The following MYO16 variants were observed in gnomAD, a reference collection of about 807,000 sequenced individuals.
MYO16 encodes the protein unconventional myosin-XVI.
MYO16 carries 94 observed loss-of-function variants against 205.3 expected under a neutral mutation model. The observed-to-expected ratio is 0.46, with a 90% confidence interval of 0.39 to 0.54. MYO16 has a LOEUF of 0.54. MYO16 is among the 20% of genes least tolerant of loss of function. The probability of loss-of-function intolerance (pLI) is 0.00; values close to 1 mark genes in which losing one functional copy is unlikely to be tolerated. For synonymous variants in MYO16, 988 were observed against 954.0 expected (o/e 1.04, Z -0.66); for missense variants, 2,315 against 2,387.5 (o/e 0.97, Z 0.63).
At chr13:108,735,163 G>A (rs1265487329) in intron 4 of MYO16, among the ~76,000 whole-genome samples, 1 of 152,018 alleles carries the variant, frequency 6.6e-6, no homozygotes. Flanking sequence ...TGCACAACCT[G>A]CAGGTTTGTT....
At chr13:108,760,125 T>G (rs865924160) in intron 4 of MYO16, among the ~76,000 whole-genome samples, 12 of 152,330 alleles carry the variant, frequency 7.9e-5, no homozygotes, top group South Asian at 6.2e-4. Flanking sequence ...CTAACTATAA[T>G]TTCCCTACCA....
At chr13:108,619,501 T>A (rs376086707) in intron 1 of MYO16, among the ~76,000 whole-genome samples, 4 of 152,154 alleles carry the variant, frequency 2.6e-5, no homozygotes, top group African/African-American at 9.6e-5. Context: ...TCTGCCTTGA[T>A]AGATACTCGA....
intron 12 of MYO16, among the ~76,000 whole-genome samples, chr13:108,868,691 G>A (rs1441858303): frequency 6.6e-6 from 1 of 151,978 alleles, no homozygotes; most frequent in Non-Finnish European, 1.5e-5. Flanking sequence ...GAGAAGCCAA[G>A]GCAGGTGGAT....
At chr13:108,760,094 G>A (rs1885556233) in intron 4 of MYO16, among the ~76,000 whole-genome samples, 2 of 152,050 alleles carry the variant, frequency 1.3e-5, no homozygotes, top group Non-Finnish European at 2.9e-5. Flanking sequence ...TAGCTATTTT[G>A]AAATATACAG....
chr13:108,652,850 G>A (rs959140089), intron 1 of MYO16, among the ~76,000 whole-genome samples: 12 of 152,246 alleles, frequency 7.9e-5, no homozygotes, highest in African/African-American at 2.6e-4. Flanking sequence ...TTTTGTAAAC[G>A]TGGGTATACA....
chr13:108,819,133 G>T (rs1875808971), intron 7 of MYO16, among the ~76,000 whole-genome samples: 1 of 152,102 alleles, frequency 6.6e-6, no homozygotes, highest in African/African-American at 2.4e-5. Flanking sequence ...AGAAAGTATT[G>T]TATGTGTGCA....
chr13:108,812,980 A>G (rs1331963463), intron 7 of MYO16, among the ~76,000 whole-genome samples: 1 of 152,166 alleles, frequency 6.6e-6, no homozygotes, highest in Non-Finnish European at 1.5e-5. Flanking sequence ...TGTTCATTAT[A>G]AATTACCCAG....
intron 16 of MYO16, among the ~76,000 whole-genome samples, chr13:108,929,743 G>A (rs1265284073): frequency 6.6e-6 from 1 of 152,084 alleles, no homozygotes; most frequent in Admixed American, 6.5e-5. Flanking sequence ...GACCTCACAT[G>A]GCAGCTGCCC....
intron 4 of MYO16, among the ~76,000 whole-genome samples, chr13:108,751,230 A>G (rs1885227955): frequency 6.6e-6 from 1 of 152,224 alleles, no homozygotes; most frequent in East Asian, 1.9e-4. Flanking sequence ...TTTTTGGAGA[A>G]ACGACTGAAT....
chr13:108,496,112 T>C, the MYO16 span, among the ~76,000 whole-genome samples: 52,485 of 151,646 alleles, frequency 0.35, 9,238 homozygotes, highest in Non-Finnish European at 0.39. Flanking sequence ...ACGGTGAGGG[T>C]TGGACGCGTC....
At chr13:108,844,219 T>A (rs1354748665) in intron 9 of MYO16, 124 bp from the exon 10 acceptor site, 1 of 689,380 alleles carries the variant, frequency 1.5e-6, no homozygotes, top group Non-Finnish European at 2.1e-6. Flanking sequence ...TTCCTGCAGT[T>A]TATAAGAAAT....
intron 33 of MYO16, among the ~76,000 whole-genome samples, chr13:109,167,527 G>A (rs1371451521): frequency 1.3e-5 from 2 of 152,144 alleles, no homozygotes; most frequent in African/African-American, 4.8e-5. Context: ...TGGTGTTATA[G>A]ACAACCTGGA....
upstream of MYO16, among the ~76,000 whole-genome samples, chr13:108,624,784 AGTGTGTGTGTGTGT>A (rs6145237): frequency 6.6e-5 from 6 of 90,754 alleles, no homozygotes; most frequent in South Asian, 3.8e-4. Context: ...ATATAGCCTG[AGTGTGTGTGTGTGT>A]GTGTGTGTGT....
intron 13 of MYO16, among the ~76,000 whole-genome samples, chr13:108,886,121 G>A (rs1376311896): frequency 6.6e-6 from 1 of 152,026 alleles, no homozygotes; most frequent in Non-Finnish European, 1.5e-5. Flanking sequence ...CCGAATAGCT[G>A]GGACTACAGG....
At chr13:108,987,022 C>T (rs1162117130) in intron 20 of MYO16, among the ~76,000 whole-genome samples, 1 of 152,176 alleles carries the variant, frequency 6.6e-6, no homozygotes, top group Admixed American at 6.5e-5. Flanking sequence ...ATGCTCCTAA[C>T]AGTGCTTTGT....
At chr13:108,830,304 T>C (rs1482888026) in intron 9 of MYO16, among the ~76,000 whole-genome samples, 2 of 120,774 alleles carry the variant, frequency 1.7e-5, no homozygotes, top group Non-Finnish European at 3.6e-5. Flanking sequence ...TAAAGACACA[T>C]GCACACGTAT....
the MYO16 span, among the ~76,000 whole-genome samples, chr13:108,577,102 C>T: frequency 2.0e-5 from 3 of 152,308 alleles, no homozygotes; most frequent in Middle Eastern, 0.01. Flanking sequence ...TAAAATTCCC[C>T]ACCATACAGT....
intron 15 of MYO16, among the ~76,000 whole-genome samples, chr13:108,905,605 T>C (rs1490712221): frequency 6.6e-6 from 1 of 152,200 alleles, no homozygotes; most frequent in Non-Finnish European, 1.5e-5. Context: ...TCTTCTGGAA[T>C]ATTGATTATT....
intron 32 of MYO16, among the ~76,000 whole-genome samples, chr13:109,145,899 A>G (rs1877307059): frequency 6.6e-6 from 1 of 152,254 alleles, no homozygotes; most frequent in African/African-American, 2.4e-5. Flanking sequence ...TCTGGAGAAG[A>G]AAGTGGAAGA....
Sources: allele counts gnomAD v4.1 joint callset (sites outside exome capture counted in the v4.1 genomes callset), GRCh38; gene constraint gnomAD v4.1.1; transcripts MANE v1.5; gene names NCBI Gene and HGNC (gene_info 2026-07-23, HGNC 2026-07-21).